The following GLRA2 variants were observed in gnomAD, a reference collection of about 807,000 sequenced individuals.
GLRA2 encodes glycine receptor subunit alpha-2.
In GLRA2, 11 loss-of-function variants were observed where a neutral mutation model predicts 31.6. That is an observed-to-expected ratio of 0.35 (90% confidence interval 0.22 to 0.58). The LOEUF (loss-of-function observed/expected upper bound fraction) is 0.58, where lower values mean the gene tolerates loss of function less well. Among genes scored for constraint, GLRA2 ranks in the 20% least tolerant of loss-of-function variants. GLRA2 has a pLI of 0.84. For missense variants in GLRA2, 212 were observed against 351.8 expected (o/e 0.60, Z 3.18); for synonymous variants, 132 against 134.0 (o/e 0.99, Z 0.10).
At chrX:14,628,056 A>G (rs2090607076) in intron 7 of GLRA2, among the ~76,000 whole-genome samples, 1 of 111,109 alleles carries the variant, frequency 9.0e-6, no homozygotes, top group South Asian at 3.8e-4. Context: ...CAGACTTTCA[A>G]GTATAGTGAG....
intron 7 of GLRA2, among the ~76,000 whole-genome samples, chrX:14,624,116 G>T (rs1276990588): frequency 8.9e-6 from 1 of 111,757 alleles, no homozygotes; most frequent in Non-Finnish European, 1.9e-5. Context: ...ATTTCTTCTA[G>T]ATTTTCTAGT....
intron 7 of GLRA2, among the ~76,000 whole-genome samples, chrX:14,640,541 G>A (rs1238444106): frequency 9.0e-6 from 1 of 111,056 alleles, no homozygotes; most frequent in African/African-American, 3.3e-5. Context: ...TTTTATATAT[G>A]TATACATTTC....
chrX:14,604,464 C>T, intron 5 of GLRA2, 67 bp downstream of exon 5: 1 of 670,886 alleles, frequency 1.5e-6, no homozygotes. Flanking sequence ...TTTAGTATGT[C>T]ATTAAAGAGA....
the GLRA2 span, among the ~76,000 whole-genome samples, chrX:14,454,465 A>G: frequency 9.0e-6 from 1 of 111,080 alleles, no homozygotes; most frequent in African/African-American, 3.3e-5. Flanking sequence ...TTTGAAAATA[A>G]TAATGTTTGG....
chrX:14,528,105 A>G (rs144955235), upstream of GLRA2, among the ~76,000 whole-genome samples: 507 of 111,946 alleles, frequency 4.5e-3, 4 homozygotes, highest in African/African-American at 0.015. Context: ...GGGCATATAG[A>G]CTCTTGCTAC....
At chrX:14,527,355 G>A (rs1397661675), upstream of GLRA2, among the ~76,000 whole-genome samples, 1 of 111,952 alleles carries the variant, frequency 8.9e-6, no homozygotes. Context: ...GGTGGCTCAC[G>A]CCTGTAATCC....
the GLRA2 span, among the ~76,000 whole-genome samples, chrX:14,459,354 G>C: frequency 9.0e-6 from 1 of 111,186 alleles, no homozygotes; most frequent in Admixed American, 9.6e-5. Flanking sequence ...TTGGCAATGA[G>C]GGCTCTTTTT....
intron 7 of GLRA2, among the ~76,000 whole-genome samples, chrX:14,643,858 A>C (rs2090801194): frequency 8.9e-6 from 1 of 111,955 alleles, no homozygotes; most frequent in Non-Finnish European, 1.9e-5. Context: ...AGGTGCTAGA[A>C]AAGTGGAAGG....
chrX:14,624,545 G>A (rs950329259), intron 7 of GLRA2, among the ~76,000 whole-genome samples: 6 of 111,840 alleles, frequency 5.4e-5, no homozygotes, highest in Admixed American at 9.5e-5. Context: ...ATTCTGGTAC[G>A]TTGTGTCTTT....
At chrX:14,683,608 A>G in intron 7 of GLRA2, among the ~76,000 whole-genome samples, 1 of 111,874 alleles carries the variant, frequency 8.9e-6, no homozygotes. Flanking sequence ...TGTTGTAGAC[A>G]TGAAGTCCTT....
At chrX:14,570,933 C>T (rs2089873391) in intron 2 of GLRA2, among the ~76,000 whole-genome samples, 1 of 110,600 alleles carries the variant, frequency 9.0e-6, no homozygotes, top group Admixed American at 9.7e-5. Context: ...TTAAAGTATG[C>T]CAGATCTATA....
intron 2 of GLRA2, among the ~76,000 whole-genome samples, chrX:14,535,078 G>GTGA (rs2147001844): frequency 9.0e-6 from 1 of 111,557 alleles, no homozygotes; most frequent in South Asian, 3.7e-4. Context: ...AAACATGATA[G>GTGA]TGATGATGAT....
At chrX:14,514,149 A>G in the GLRA2 span, among the ~76,000 whole-genome samples, 2 of 111,057 alleles carry the variant, frequency 1.8e-5, no homozygotes, top group African/African-American at 3.3e-5. Context: ...GAATTAACTC[A>G]GGAATGGAAA....
chrX:14,648,707 G>A (rs770291949), intron 7 of GLRA2, among the ~76,000 whole-genome samples: 2 of 111,421 alleles, frequency 1.8e-5, no homozygotes, highest in Non-Finnish European at 3.8e-5. Flanking sequence ...GGCCAATTTA[G>A]CCTAATTTAA....
At chrX:14,462,408 G>T in the GLRA2 span, among the ~76,000 whole-genome samples, 1 of 111,455 alleles carries the variant, frequency 9.0e-6, no homozygotes, top group Non-Finnish European at 1.9e-5. Flanking sequence ...TGCTAGGTTG[G>T]GGAAGTTCTC....
chrX:14,694,520 T>C (rs2091412169), intron 8 of GLRA2, among the ~76,000 whole-genome samples: 1 of 112,093 alleles, frequency 8.9e-6, no homozygotes, highest in African/African-American at 3.2e-5. Context: ...AGTTTCAATA[T>C]AGCAAATAGG....
At chrX:14,574,645 A>C in intron 3 of GLRA2, 1 of 696,394 alleles carries the variant, frequency 1.4e-6, no homozygotes, top group Non-Finnish European at 2.3e-6. Context: ...TGAGACATTT[A>C]CTGAGTGCCA....
At chrX:14,541,370 G>C (rs911119442) in intron 2 of GLRA2, among the ~76,000 whole-genome samples, 2 of 111,244 alleles carry the variant, frequency 1.8e-5, no homozygotes, top group African/African-American at 6.5e-5. Flanking sequence ...TCCTTGGCTG[G>C]TTTGATTATC....
chrX:14,573,755 G>T (rs1452631328), intron 2 of GLRA2, among the ~76,000 whole-genome samples: 2 of 110,088 alleles, frequency 1.8e-5, no homozygotes, highest in Non-Finnish European at 3.8e-5. Flanking sequence ...TACTGTATGT[G>T]TTTATGTCTT....
Sources: gnomAD v4.1 joint callset for allele counts (sites outside exome capture counted in the v4.1 genomes callset) on GRCh38, gnomAD v4.1.1 for gene constraint, MANE v1.5 for transcripts, NCBI Gene and HGNC (gene_info 2026-07-23, HGNC 2026-07-21) for gene names.